Variants in SYNE1 observed in about 807,000 individuals in gnomAD.
The protein encoded by SYNE1 is nesprin-1.
SYNE1 carries 616 observed loss-of-function variants against 1,111.0 expected under a neutral mutation model. That is an observed-to-expected ratio of 0.55 (90% CI 0.52 to 0.59). SYNE1 has a LOEUF of 0.59. Ranked by LOEUF, SYNE1 falls within the 20% of genes least tolerant of loss-of-function variation. The pLI, the probability that SYNE1 is intolerant of heterozygous loss-of-function variation, is 0.00. For missense variants in SYNE1, 10,006 were observed against 10,417.0 expected (o/e 0.96, Z 1.72); for synonymous variants, 3,855 against 3,825.8 (o/e 1.01, Z -0.28).
intron 138 of SYNE1, among the ~76,000 whole-genome samples, chr6:152,143,203 T>C (rs897308783): frequency 1.2e-4 from 18 of 152,158 alleles, no homozygotes; most frequent in Non-Finnish European, 2.9e-5. Context: ...ATTCCCAAGG[T>C]CATTCGGTGA....
At chr6:152,477,359 A>C (rs2098841027) in intron 14 of SYNE1, among the ~76,000 whole-genome samples, 1 of 152,154 alleles carries the variant, frequency 6.6e-6, no homozygotes, top group Non-Finnish European at 1.5e-5. Flanking sequence ...TGGCCAGAAA[A>C]GGGTGGATGA....
chr6:152,519,524 T>C (rs555303611), intron 6 of SYNE1, among the ~76,000 whole-genome samples: 1 of 152,292 alleles, frequency 6.6e-6, no homozygotes. Context: ...AAAATAAATA[T>C]ACATGTGTCC....
At position 152,442,176 on chromosome 6, in the gene SYNE1, C is replaced by A. The variant is rs1282448706; in HGVS notation, c.3907G>T (p.Glu1303Ter). ...TGGCCTCGGTCAGGCAGCCCCCCTT[C>A]TCCCTGCTGCGCCTGCGCGATCTGC... The part of the protein sequence containing the change: ...QQQIAQAQQG[E>*]GGLPDRGHEE... Residue 1303 changes from glutamate (E) to a stop codon, truncating the protein, a stop_gained, in exon 31 of 146, where the codon GAA (glutamate) becomes TAA (stop). Coordinates refer to ENST00000367255, the MANE Select transcript of SYNE1 (RefSeq NM_182961.4). LOFTEE classifies it high-confidence loss of function. The A allele has an allele frequency of 6.2e-7, 1 of 1,613,800 alleles. No individual in the cohort carries two copies. The highest frequency in any genetic ancestry group is 2.2e-5 in the East Asian group (1 of 44,882).
chr6:152,213,037 A>G (rs1054624797), intron 123 of SYNE1, among the ~76,000 whole-genome samples: 19 of 152,320 alleles, frequency 1.2e-4, no homozygotes, highest in African/African-American at 4.6e-4. Flanking sequence ...GTAAATAGCA[A>G]CATAAGGATT....
intron 3 of SYNE1, among the ~76,000 whole-genome samples, chr6:152,593,730 A>G (rs2099573267): frequency 6.6e-6 from 1 of 152,192 alleles, no homozygotes; most frequent in African/African-American, 2.4e-5. Context: ...TGATGGTGCC[A>G]TTTGTAAACC....
rs765051108 is a variant in SYNE1, at chr6:152,220,986, C to T, written c.21717G>A (p.Gln7239=). 30 of 1,614,154 alleles carry T rather than the reference C, an allele frequency of 1.9e-5. No homozygotes were observed. Among genetic ancestry groups the T allele is most frequent in the Admixed American group, 5.0e-5 (3 of 60,020 alleles). ...AGTAGTCCTTGTATCTTTGCCAAAGCTGAAGTAGGGCCTTGCTGGACTGTA... is the reference window on the plus strand; with the variant it reads ...AGTAGTCCTTGTATCTTTGCCAAAGTTGAAGTAGGGCCTTGCTGGACTGTA... ...EQLQSSKALL[Q]LWQRYKDYSK... Residue 7239 remains glutamine, a synonymous_variant, in exon 119 of 146, where the codon CAG becomes CAA. Coordinates refer to ENST00000367255, the MANE Select transcript of SYNE1 (RefSeq NM_182961.4).
chr6:152,364,935 G>C lies in SYNE1; in HGVS notation c.10057C>G (p.Pro3353Ala). The change falls in exon 63 of 146, where the codon CCA (proline) becomes GCA (alanine). Residue 3353 changes from proline to alanine, a missense_variant. Pro to Ala is a conservative substitution (Grantham distance 27). Around this residue, in one of 7 missense-constraint regions of SYNE1, gnomAD observed 4,955 missense variants for 5,017.2 expected, o/e 0.99. Transcript: ENST00000367255. ...TGCTGAATAGTGGGAATGCCTTCTG[G>C]AGAAGTATTCTGAAGGACAGATTCT... ...RGESVLQNTS[P>A]EGIPTIQQQL... 3.1e-6 allele frequency: 5 copies of C among 1,614,190 alleles called. No homozygotes were observed. Among genetic ancestry groups the C allele is most frequent in the Non-Finnish European group, 4.2e-6 (5 of 1,180,034 alleles).
At chr6:152,246,181 T>A (rs1217709992) in intron 105 of SYNE1, among the ~76,000 whole-genome samples, 1 of 151,668 alleles carries the variant, frequency 6.6e-6, no homozygotes, top group Non-Finnish European at 1.5e-5. Context: ...ACACACAGAG[T>A]TCCCTTTCAG....
intron 15 of SYNE1, chr6:152,471,987 T>A (rs2098808240): frequency 5.0e-6 from 3 of 600,660 alleles, no homozygotes; most frequent in Non-Finnish European, 8.7e-6. Flanking sequence ...TGCCAACACA[T>A]CTCTCGTCTG....
At chr6:152,123,239 A>T (rs561006372) in intron 145 of SYNE1, among the ~76,000 whole-genome samples, 4 of 152,352 alleles carry the variant, frequency 2.6e-5, no homozygotes, top group African/African-American at 9.6e-5. Context: ...TTCATCTTGC[A>T]CTGAATCAGC....
chr6:152,328,388 ATTT>A (rs2096143825), intron 78 of SYNE1, among the ~76,000 whole-genome samples: 1 of 126,828 alleles, frequency 7.9e-6, no homozygotes, highest in Non-Finnish European at 1.7e-5. Context: ...TATTTTATTT[ATTT>A]ATTTATTTAT....
At chr6:152,238,994 T>C (rs2084893576) in intron 108 of SYNE1, among the ~76,000 whole-genome samples, 1 of 151,614 alleles carries the variant, frequency 6.6e-6, no homozygotes, top group Non-Finnish European at 1.5e-5. Flanking sequence ...TGCCTCCCGG[T>C]TCAAGTGATT....
intron 100 of SYNE1, among the ~76,000 whole-genome samples, chr6:152,264,583 G>A (rs1473361027): frequency 1.3e-5 from 2 of 151,962 alleles, no homozygotes; most frequent in African/African-American, 4.8e-5. Context: ...GATCACTTGA[G>A]CCCAGGAGTT....
At chr6:152,156,266 G>A (rs187018140) in intron 131 of SYNE1, among the ~76,000 whole-genome samples, 169 bp from the exon 132 acceptor site, 1 of 152,256 alleles carries the variant, frequency 6.6e-6, no homozygotes, top group African/African-American at 2.4e-5. Flanking sequence ...AAGCTCAAAA[G>A]TACTAGAAAA....
chr6:152,419,017 C>T (rs2098212632), intron 40 of SYNE1, among the ~76,000 whole-genome samples: 1 of 152,174 alleles, frequency 6.6e-6, no homozygotes, highest in South Asian at 2.1e-4. Context: ...GTGGGACTCC[C>T]ATACAATATG....
chr6:152,513,607 TACAGGAGTGA>T (rs1170084025), intron 6 of SYNE1, among the ~76,000 whole-genome samples: 1 of 152,174 alleles, frequency 6.6e-6, no homozygotes, highest in Non-Finnish European at 1.5e-5. Context: ...GTGCTGGTAT[TACAGGAGTGA>T]GCCACCACGC....
At chr6:152,324,989 T>C in intron 81 of SYNE1, 95 bp downstream of exon 81, 2 of 1,416,192 alleles carry the variant, frequency 1.4e-6, no homozygotes, top group Non-Finnish European at 2.0e-6. Flanking sequence ...ATTACTTTCA[T>C]AAGGCTGACT....
intron 101 of SYNE1, among the ~76,000 whole-genome samples, chr6:152,258,987 C>T (rs1454153535): frequency 4.6e-5 from 7 of 151,990 alleles, no homozygotes; most frequent in African/African-American, 1.2e-4. Flanking sequence ...TCATGTGATC[C>T]GCCCGCCTCA....
At chr6:152,180,003 A>T in intron 129 of SYNE1, 133 bp downstream of exon 129, 2 of 1,040,086 alleles carry the variant, frequency 1.9e-6, no homozygotes, top group Admixed American at 4.5e-5. Context: ...TTTATATTAA[A>T]AAGATAAAAT....
Sources: gnomAD v4.1 joint callset for allele counts (sites outside exome capture counted in the v4.1 genomes callset) on GRCh38, gnomAD v4.1.1 for gene constraint, gnomAD v4.1.1 regional missense constraint, MANE v1.5 for transcripts, NCBI Gene and HGNC (gene_info 2026-07-23, HGNC 2026-07-21) for gene names.